ALPK2: variants seen among roughly 807,000 people sequenced by gnomAD.
ALPK2 encodes alpha-protein kinase 2.
A neutral mutation model predicts 163.1 loss-of-function variants in ALPK2; 127 were observed. That is an observed-to-expected ratio of 0.78 (90% CI 0.67 to 0.90). ALPK2 has a LOEUF of 0.90. Ranked by LOEUF, ALPK2 falls within the 40% of genes least tolerant of loss-of-function variation. ALPK2 has a pLI of 0.00. For missense variants in ALPK2, 2,360 were observed against 2,589.6 expected, an observed-to-expected ratio of 0.91 and a Z score of 1.92; for synonymous variants, 953 against 959.1, an observed-to-expected ratio of 0.99 and a Z score of 0.12.
intron 1 of ALPK2, among the ~76,000 whole-genome samples, chr18:58,626,165 G>A (rs572949198): frequency 6.6e-6 from 1 of 152,276 alleles, no homozygotes; most frequent in Admixed American, 6.5e-5. Flanking sequence ...CTGGGAAAGA[G>A]CTGTGGGGTA....
At chr18:58,543,353 G>A (rs1479590181) in intron 4 of ALPK2, 2 of 985,330 alleles carry the variant, frequency 2.0e-6, no homozygotes, top group East Asian at 2.3e-4. Context: ...GAGGGAACAA[G>A]TGCTCTGTGC....
chr18:58,481,575 G>T lies in ALPK2; in HGVS notation c.*248C>A. Reference sequence around the variant, plus strand: ...TAAAAATGCTAAACATGTATATAAAGAATGGACTGTCTTTGAGACCAATCG... The same window carrying T: ...TAAAAATGCTAAACATGTATATAAATAATGGACTGTCTTTGAGACCAATCG... On this transcript the variant is annotated 3_prime_UTR_variant, in exon 13 of 13. Transcript: ENST00000361673. 1.9e-6 allele frequency: 1 copy of T among 528,146 alleles called. No individual in the cohort carries two copies. Among genetic ancestry groups the T allele is most frequent in the Non-Finnish European group, 3.4e-6 (1 of 293,306 alleles). The allele number at this position is 528,146 out of a possible 1,614,324, so 32.7% of individuals were successfully genotyped here. A position where few individuals can be genotyped will look rare whatever the true frequency, so the allele number is the denominator to read the frequency against.
In ALPK2 at chr18:58,481,838, G is replaced by C. The variant is rs149246242; in HGVS notation, c.6498C>G (p.Gly2166=). ...CCCAGGGACGTTAGGTTTTCTTTTC[G>C]CCTGGGGTCTCAGGCCCTGCCTTCT... ...TIKKAGPETP[G]EKKT The change falls in exon 13 of 13, where the codon GGC becomes GGG. Residue 2166 remains glycine, a synonymous_variant. Coordinates refer to ENST00000361673, the MANE Select transcript of ALPK2 (RefSeq NM_052947.4). 4.3e-6 allele frequency: 7 copies of C among 1,613,958 alleles called. No individual in the cohort carries two copies. The highest frequency in any genetic ancestry group is 5.9e-6 in the Non-Finnish European group (7 of 1,179,920).
chr18:58,487,854 T>C (rs1203987952), intron 12 of ALPK2, among the ~76,000 whole-genome samples: 2 of 138,968 alleles, frequency 1.4e-5, no homozygotes, highest in Non-Finnish European at 3.2e-5. Flanking sequence ...AGACCCTATC[T>C]CTACAAAACA....
chr18:58,504,260 T>C, intron 10 of ALPK2, 112 bp from the exon 11 acceptor site: 1 of 851,510 alleles, frequency 1.2e-6, no homozygotes, highest in East Asian at 2.5e-5. Context: ...TGTCCCCAAT[T>C]CTGCTAGGTT....
intron 4 of ALPK2, among the ~76,000 whole-genome samples, chr18:58,552,597 T>C (rs2051765633): frequency 6.6e-6 from 1 of 152,236 alleles, no homozygotes; most frequent in Non-Finnish European, 1.5e-5. Flanking sequence ...CAACAAATAC[T>C]TGTTGAAAGC....
chr18:58,495,494 T>C (rs1487783993), intron 12 of ALPK2, among the ~76,000 whole-genome samples: 2 of 152,132 alleles, frequency 1.3e-5, no homozygotes, highest in East Asian at 3.9e-4. Context: ...ACATTAAAGC[T>C]GAGAACAAAA....
intron 3 of ALPK2, among the ~76,000 whole-genome samples, chr18:58,602,801 T>A (rs1260081164): frequency 6.6e-6 from 1 of 152,024 alleles, no homozygotes; most frequent in Non-Finnish European, 1.5e-5. Context: ...TGCTGATAGA[T>A]CAGGATGCAG....
intron 11 of ALPK2, among the ~76,000 whole-genome samples, chr18:58,499,199 C>G (rs187870586): frequency 6.6e-6 from 1 of 152,184 alleles, no homozygotes; most frequent in Non-Finnish European, 1.5e-5. Flanking sequence ...AGTAGAACAG[C>G]TACCTGAGCT....
intron 3 of ALPK2, among the ~76,000 whole-genome samples, chr18:58,582,094 C>T (rs1371677404): frequency 1.3e-5 from 2 of 152,112 alleles, no homozygotes; most frequent in African/African-American, 4.8e-5. Flanking sequence ...CATTCAGGAG[C>T]GGCTGAGATT....
chr18:58,608,612 C>A (rs376199874), intron 2 of ALPK2, among the ~76,000 whole-genome samples: 4 of 152,128 alleles, frequency 2.6e-5, no homozygotes, highest in Admixed American at 2.6e-4. Flanking sequence ...TTATTTATTG[C>A]GTGATTTTTG....
intron 12 of ALPK2, among the ~76,000 whole-genome samples, chr18:58,497,779 C>T (rs2051408613): frequency 6.6e-6 from 1 of 152,132 alleles, no homozygotes; most frequent in Non-Finnish European, 1.5e-5. Flanking sequence ...GCATTTTCTC[C>T]CCGTGGTACT....
intron 12 of ALPK2, among the ~76,000 whole-genome samples, chr18:58,495,218 A>G (rs2051395511): frequency 6.6e-6 from 1 of 152,228 alleles, no homozygotes; most frequent in East Asian, 1.9e-4. Flanking sequence ...ATTGTAAGAT[A>G]TATTTCTTTT....
chr18:58,499,270 T>C (rs1252486807), intron 11 of ALPK2, among the ~76,000 whole-genome samples: 3 of 152,180 alleles, frequency 2.0e-5, no homozygotes, highest in Middle Eastern at 3.2e-3. Context: ...AACCCTTTTT[T>C]GCATGTGCCT....
intron 4 of ALPK2, among the ~76,000 whole-genome samples, chr18:58,548,519 C>T (rs576619878): frequency 6.6e-6 from 1 of 152,032 alleles, no homozygotes; most frequent in African/African-American, 2.4e-5. Context: ...TGGGGTTTTG[C>T]CCTGTTAGCC....
At chr18:58,624,384 G>T (rs1384131838) in intron 1 of ALPK2, among the ~76,000 whole-genome samples, 2 of 152,106 alleles carry the variant, frequency 1.3e-5, no homozygotes, top group Non-Finnish European at 2.9e-5. Context: ...CAAAGTCCTG[G>T]ACTCTTCCAT....
chr18:58,588,485 A>G lies in ALPK2; in HGVS notation c.228-7937T>C, dbSNP rs1440589573. Reference sequence around the variant, plus strand: ...GTTTCTTACATAGGTAACGTGTGCCATGGTGGTTTTCTGCACCTATTAACC... The same window carrying G: ...GTTTCTTACATAGGTAACGTGTGCCGTGGTGGTTTTCTGCACCTATTAACC... On this transcript the variant is annotated intron_variant, in intron 3 of 12. Coordinates refer to ENST00000361673, the MANE Select transcript of ALPK2 (RefSeq NM_052947.4). 4.6e-5 allele frequency among the ~76,000 whole-genome samples: 7 copies of G among 152,248 alleles called. 1 individual carries two copies. The East Asian group carries it at 1.2e-3, about 25-fold the overall frequency.
chr18:58,498,013 T>C, intron 12 of ALPK2, 36 bp downstream of exon 12: 4 of 1,606,462 alleles, frequency 2.5e-6, no homozygotes, highest in Non-Finnish European at 3.4e-6. Flanking sequence ...GTAAGCCCAG[T>C]GTTAATTGAT....
intron 10 of ALPK2, chr18:58,511,829 A>G (rs566318197): frequency 6.6e-6 from 1 of 152,170 alleles, no homozygotes; most frequent in Non-Finnish European, 1.5e-5. Flanking sequence ...CTTCATGAAG[A>G]GGACACAGAG....
Sources: gnomAD v4.1 joint callset for allele counts (sites outside exome capture counted in the v4.1 genomes callset) on GRCh38, gnomAD v4.1.1 for gene constraint, MANE v1.5 for transcripts, NCBI Gene and HGNC (gene_info 2026-07-23, HGNC 2026-07-21) for gene names.